Variants in LRRC37A2 observed in about 807,000 individuals in gnomAD.
LRRC37A2 encodes leucine-rich repeat-containing protein 37A2.
In LRRC37A2, 9 loss-of-function variants were observed where a neutral mutation model predicts 68.8. The observed-to-expected ratio is 0.13, with a 90% confidence interval of 0.08 to 0.23. The LOEUF (loss-of-function observed/expected upper bound fraction) is 0.23. LRRC37A2 is among the 10% of genes least tolerant of loss of function. The pLI, the probability that LRRC37A2 is intolerant of heterozygous loss-of-function variation, is 1.00. For synonymous variants in LRRC37A2, 63 were observed against 367.6 expected (o/e 0.17, Z 9.48); for missense variants, 168 against 950.4 (o/e 0.18, Z 10.82).
the LRRC37A2 span, among the ~76,000 whole-genome samples, chr17:46,868,397 G>A: frequency 1.3e-5 from 2 of 152,086 alleles, no homozygotes; most frequent in Admixed American, 6.5e-5. Context: ...TTCAAGACCA[G>A]CCTAGCCAAC....
At chr17:46,793,896 T>A in the LRRC37A2 span, among the ~76,000 whole-genome samples, 1 of 152,294 alleles carries the variant, frequency 6.6e-6, no homozygotes, top group South Asian at 2.1e-4. Context: ...CCAAATCCCA[T>A]GCTATCGCTA....
chr17:46,867,370 G>C, the LRRC37A2 span, among the ~76,000 whole-genome samples: 1 of 152,262 alleles, frequency 6.6e-6, no homozygotes, highest in South Asian at 2.1e-4. Context: ...AACCCAGGCA[G>C]TCTGGCTCCA....
At chr17:46,722,068 G>A in the LRRC37A2 span, 1 of 1,610,356 alleles carries the variant, frequency 6.2e-7, no homozygotes, top group African/African-American at 1.3e-5. Context: ...TGAGGTCCGA[G>A]TTCATCTCCA....
At chr17:46,956,690 G>A in the LRRC37A2 span, among the ~76,000 whole-genome samples, 6 of 152,266 alleles carry the variant, frequency 3.9e-5, no homozygotes, top group African/African-American at 1.2e-4. Context: ...GCAAGTAGAC[G>A]CTGAGGGGGC....
At chr17:46,947,635 G>C in the LRRC37A2 span, among the ~76,000 whole-genome samples, 2 of 152,320 alleles carry the variant, frequency 1.3e-5, no homozygotes, top group Non-Finnish European at 1.5e-5. Context: ...TCCTGACTTT[G>C]CTGTTTATTA....
the LRRC37A2 span, among the ~76,000 whole-genome samples, chr17:46,865,212 CT>C: frequency 1.3e-5 from 2 of 152,198 alleles, no homozygotes; most frequent in African/African-American, 4.8e-5. Flanking sequence ...ACTAGCCACA[CT>C]CTAAATGCCG....
At chr17:46,857,425 A>C in the LRRC37A2 span, among the ~76,000 whole-genome samples, 1 of 150,626 alleles carries the variant, frequency 6.6e-6, no homozygotes, top group Non-Finnish European at 1.5e-5. Flanking sequence ...CAGTGAGCCA[A>C]GACTGTGCCA....
chr17:46,611,819 A>G, the LRRC37A2 span, among the ~76,000 whole-genome samples: 1 of 134,714 alleles, frequency 7.4e-6, no homozygotes, highest in Non-Finnish European at 1.6e-5. Context: ...TTTTAAAGAT[A>G]TAACACAAAA....
the LRRC37A2 span, among the ~76,000 whole-genome samples, chr17:47,024,363 T>A: frequency 6.6e-6 from 1 of 151,878 alleles, no homozygotes; most frequent in South Asian, 2.1e-4. Flanking sequence ...GAAATGGAGG[T>A]TCTGCTGATC....
At chr17:46,910,519 A>C in the LRRC37A2 span, among the ~76,000 whole-genome samples, 1 of 152,190 alleles carries the variant, frequency 6.6e-6, no homozygotes, top group Non-Finnish European at 1.5e-5. Flanking sequence ...CTTAGCCATC[A>C]CCTGTCTAGC....
chr17:46,960,909 C>T, the LRRC37A2 span, among the ~76,000 whole-genome samples: 1 of 152,100 alleles, frequency 6.6e-6, no homozygotes, highest in Non-Finnish European at 1.5e-5. Context: ...CGATTGTGTT[C>T]ATGATGACAC....
At chr17:46,493,016 TG>T in the LRRC37A2 span, among the ~76,000 whole-genome samples, 3 of 146,144 alleles carry the variant, frequency 2.1e-5, no homozygotes, top group East Asian at 5.9e-4. Flanking sequence ...TTTTTTTTTT[TG>T]GCCACCTTAA....
chr17:46,789,266 G>A, the LRRC37A2 span, among the ~76,000 whole-genome samples: 2 of 152,154 alleles, frequency 1.3e-5, no homozygotes, highest in East Asian at 1.9e-4. Flanking sequence ...TACCTGGACT[G>A]TCCCATCCAC....
chr17:46,521,026 A>G (rs2144910841), intron 4 of LRRC37A2, among the ~76,000 whole-genome samples: 1 of 81,140 alleles, frequency 1.2e-5, no homozygotes, highest in East Asian at 2.4e-4. Flanking sequence ...ATATTAAAAC[A>G]GATGTTTAAA....
the LRRC37A2 span, among the ~76,000 whole-genome samples, chr17:46,882,725 C>T: frequency 2.0e-5 from 3 of 152,182 alleles, no homozygotes; most frequent in Admixed American, 6.5e-5. Context: ...ACCGATCATG[C>T]AGCAAACACG....
the LRRC37A2 span, among the ~76,000 whole-genome samples, chr17:46,490,988 G>A: frequency 0.017 from 2,531 of 149,854 alleles, 92 homozygotes; most frequent in African/African-American, 0.028. Flanking sequence ...TCCACCTCCC[G>A]GGTTCAAGCG....
At chr17:46,842,544 A>AT in the LRRC37A2 span, among the ~76,000 whole-genome samples, 7 of 151,602 alleles carry the variant, frequency 4.6e-5, no homozygotes, top group African/African-American at 9.7e-5. Flanking sequence ...CCAGCTATTA[A>AT]TTTTTTTTGT....
the LRRC37A2 span, among the ~76,000 whole-genome samples, chr17:46,896,446 GAAAGAA>G: frequency 0.033 from 2,875 of 86,130 alleles, 68 homozygotes; most frequent in African/African-American, 0.047. Context: ...AAGAAAGAAA[GAAAGAA>G]AAAGAAAGAA....
At chr17:46,496,602 C>CA in the LRRC37A2 span, among the ~76,000 whole-genome samples, 1 of 79,430 alleles carries the variant, frequency 1.3e-5, no homozygotes, top group African/African-American at 5.3e-5. Context: ...GACTCCATCT[C>CA]AAAAGAAAAA....
Sources: allele counts gnomAD v4.1 joint callset (sites outside exome capture counted in the v4.1 genomes callset), GRCh38; gene constraint gnomAD v4.1.1; transcripts MANE v1.5; gene names NCBI Gene and HGNC (gene_info 2026-07-23, HGNC 2026-07-21).